The following CFAP58 variants were observed in gnomAD, a reference collection of about 807,000 sequenced individuals.
CFAP58 encodes the protein cilia and flagella associated protein 58.
Under a neutral mutation model 119.5 loss-of-function variants are expected in CFAP58, and 88 were observed. The ratio of observed to expected loss-of-function variants is 0.74; its 90% CI spans 0.62 to 0.88. The LOEUF is 0.88. Among genes scored for constraint, CFAP58 ranks in the 40% least tolerant of loss-of-function variants. CFAP58 has a pLI of 0.00. For missense variants in CFAP58, 990 were observed against 1,021.2 expected (o/e 0.97, Z 0.42); for synonymous variants, 365 against 366.3 (o/e 1.00, Z 0.04).
intron 5 of CFAP58, 147 bp from the exon 6 acceptor site, chr10:104,368,276 T>C (rs2014777541): frequency 1.5e-6 from 1 of 663,750 alleles, no homozygotes; most frequent in African/African-American, 1.8e-5. Context: ...GTTAGTGCTT[T>C]CATCGGGAAT....
At position 104,437,420 on chromosome 10, in the gene CFAP58, A is replaced by C. The variant is rs1027269585; in HGVS notation, c.2257-10278A>C. On this transcript the variant is annotated intron_variant, in intron 15 of 17. Coordinates refer to ENST00000369704, the MANE Select transcript of CFAP58 (RefSeq NM_001008723.2). ...TTCCTTACTCAGACATCCCTCCAGC[A>C]TCATATGACTAACCCCTGCCCATTC... 3.9e-5 allele frequency among the ~76,000 whole-genome samples: 6 copies of C among 152,212 alleles called. No individual in the cohort carries two copies. In the South Asian group the frequency reaches 1.0e-3, roughly 26 times the overall value.
rs57210958 is a variant in CFAP58 at position 104,396,369 on chromosome 10, TGAGAGAGAGAGAGAGAGAGAGA to T, written c.1675-2942_1675-2921del. On this transcript the variant is annotated intron_variant, in intron 11 of 17. Coordinates refer to ENST00000369704, the MANE Select transcript of CFAP58 (RefSeq NM_001008723.2). ...GCCATGGATAGGGAGCTGTTATCCA[TGAGAGAGAGAGAGAGAGAGAGA>T]GAGAGAGAGAGAGAGAGAGAGAGAG... Among the ~76,000 whole-genome samples, 608 of 86,852 alleles carry T rather than the reference TGAGAGAGAGAGAGAGAGAGAGA, an allele frequency of 7.0e-3. 3 individuals carry two copies. Among genetic ancestry groups the T allele is most frequent in the East Asian group, 0.024 (67 of 2,780 alleles). 57.0% of individuals were successfully genotyped at this position (86,852 alleles called of 152,430 possible). A position where few individuals can be genotyped will look rare whatever the true frequency, so the allele number is the denominator to read the frequency against.
chr10:104,438,167 A>G (rs1338557202), intron 15 of CFAP58, among the ~76,000 whole-genome samples: 1 of 152,198 alleles, frequency 6.6e-6, no homozygotes, highest in South Asian at 2.1e-4. Context: ...CTATTGCTCC[A>G]TTACAAATGA....
intron 5 of CFAP58, among the ~76,000 whole-genome samples, chr10:104,367,576 A>G (rs1198553899): frequency 6.6e-6 from 1 of 152,232 alleles, no homozygotes; most frequent in African/African-American, 2.4e-5. Context: ...CAGGATAAAA[A>G]CTATTCTCCT....
chr10:104,424,984 A>T (rs1239862859), intron 15 of CFAP58, among the ~76,000 whole-genome samples: 1 of 152,164 alleles, frequency 6.6e-6, no homozygotes, highest in African/African-American at 2.4e-5. Flanking sequence ...CTTACCAATG[A>T]CTACCTCTGA....
chr10:104,379,797 G>A (rs1589915283), intron 8 of CFAP58, among the ~76,000 whole-genome samples: 1 of 152,164 alleles, frequency 6.6e-6, no homozygotes, highest in Non-Finnish European at 1.5e-5. Flanking sequence ...GGGCAATATG[G>A]TGCCCATTTC....
chr10:104,406,691 C>T lies in CFAP58; in HGVS notation c.2154C>T (p.Ala718=). The change falls in exon 15 of 18, where the codon GCC becomes GCT. Residue 718 remains alanine, a splice_region_variant and synonymous_variant. Coordinates refer to ENST00000369704, the MANE Select transcript of CFAP58 (RefSeq NM_001008723.2). ...CTATTGTTGTTCCCCTTGGACAGGC[C>T]AGCGACCCCAATGCATATGAGCTGA... ...LNVHRWRKLE[A]SDPNAYELIQ... is the part of the protein sequence containing the mutation. 1 of 1,614,012 alleles carries T rather than the reference C, an allele frequency of 6.2e-7. No individual in the cohort carries two copies. The highest frequency in any genetic ancestry group is 8.5e-7 in the Non-Finnish European group (1 of 1,179,896).
intron 15 of CFAP58, among the ~76,000 whole-genome samples, chr10:104,437,727 G>A (rs1300430149): frequency 1.3e-5 from 2 of 152,022 alleles, no homozygotes; most frequent in Non-Finnish European, 2.9e-5. Context: ...AATATCAAAG[G>A]ATTAAGAGGG....
chr10:104,410,896 C>T (rs1026345885), intron 15 of CFAP58, among the ~76,000 whole-genome samples: 2 of 151,816 alleles, frequency 1.3e-5, no homozygotes, highest in African/African-American at 4.8e-5. Flanking sequence ...TTCTCTTTAA[C>T]TCTTTGTTAC....
At chr10:104,361,314 G>C (rs1046927453) in intron 2 of CFAP58, among the ~76,000 whole-genome samples, 11 of 152,180 alleles carry the variant, frequency 7.2e-5, no homozygotes, top group African/African-American at 2.2e-4. Flanking sequence ...CATTTGATGA[G>C]AAGGCTTGGG....
intron 15 of CFAP58, among the ~76,000 whole-genome samples, chr10:104,434,948 T>C (rs2133083415): frequency 6.6e-6 from 1 of 152,338 alleles, no homozygotes; most frequent in South Asian, 2.1e-4. Flanking sequence ...TTTCCTCATC[T>C]GTAAAATGAA....
intron 15 of CFAP58, among the ~76,000 whole-genome samples, chr10:104,419,878 G>T (rs1490245112): frequency 6.6e-6 from 1 of 152,178 alleles, no homozygotes; most frequent in Non-Finnish European, 1.5e-5. Flanking sequence ...ATAAGAAGAA[G>T]TTGGCAAGAC....
chr10:104,434,330 G>T (rs1352099358), intron 15 of CFAP58, among the ~76,000 whole-genome samples: 2 of 152,116 alleles, frequency 1.3e-5, no homozygotes, highest in Non-Finnish European at 2.9e-5. Flanking sequence ...AACTTCTCTT[G>T]TGTTTCCTAC....
At chr10:104,357,996 TAC>T (rs371702701) in intron 1 of CFAP58, among the ~76,000 whole-genome samples, 57 of 136,684 alleles carry the variant, frequency 4.2e-4, no homozygotes, top group East Asian at 2.9e-3. Flanking sequence ...CACATATATG[TAC>T]ACATATATAC....
chr10:104,421,771 T>C (rs1215331766), intron 15 of CFAP58, among the ~76,000 whole-genome samples: 1 of 152,246 alleles, frequency 6.6e-6, no homozygotes, highest in African/African-American at 2.4e-5. Context: ...GTATAGGTAA[T>C]AGTAGTGCCT....
intron 8 of CFAP58, 75 bp from the exon 9 acceptor site, chr10:104,379,954 G>A: frequency 3.4e-6 from 4 of 1,168,566 alleles, no homozygotes; most frequent in Non-Finnish European, 4.9e-6. Flanking sequence ...TGTTAGAGAT[G>A]AGGCAGAGGG....
intron 15 of CFAP58, among the ~76,000 whole-genome samples, chr10:104,441,364 A>G (rs1351873290): frequency 6.6e-6 from 1 of 152,214 alleles, no homozygotes; most frequent in Non-Finnish European, 1.5e-5. Flanking sequence ...TGCTAAATAA[A>G]TACTTAGTTG....
intron 2 of CFAP58, among the ~76,000 whole-genome samples, chr10:104,358,859 G>T (rs1029564067): frequency 3.3e-5 from 5 of 152,058 alleles, no homozygotes; most frequent in Non-Finnish European, 7.4e-5. Flanking sequence ...GGAAATAATG[G>T]GTTAGGAAAA....
At chr10:104,378,757 G>A (rs1490333799) in intron 8 of CFAP58, among the ~76,000 whole-genome samples, 2 of 152,160 alleles carry the variant, frequency 1.3e-5, no homozygotes, top group East Asian at 3.8e-4. Flanking sequence ...TCCTGGGGAA[G>A]GGTCATTTGA....
Sources: allele counts gnomAD v4.1 joint callset (sites outside exome capture counted in the v4.1 genomes callset), GRCh38; gene constraint gnomAD v4.1.1; transcripts MANE v1.5; gene names NCBI Gene and HGNC (gene_info 2026-07-23, HGNC 2026-07-21).